ASTN1: variants seen among roughly 807,000 people sequenced by gnomAD.
ASTN1 encodes the protein astrotactin 1.
Under a neutral mutation model 140.7 loss-of-function variants are expected in ASTN1, and 41 were observed. That is an observed-to-expected ratio of 0.29 (90% CI 0.23 to 0.38). The LOEUF (loss-of-function observed/expected upper bound fraction) is 0.38, where lower values mean the gene tolerates loss of function less well. Ranked by LOEUF, ASTN1 falls within the 10% of genes least tolerant of loss-of-function variation. The probability of loss-of-function intolerance (pLI) is 1.00; values close to 1 mark genes in which losing one functional copy is unlikely to be tolerated. For missense variants in ASTN1, 1,479 were observed against 1,678.8 expected (o/e 0.88, Z 2.08); for synonymous variants, 640 against 652.2 (o/e 0.98, Z 0.29).
At chr1:177,118,370 T>C (rs2861916) in intron 1 of ASTN1, among the ~76,000 whole-genome samples, 19,619 of 152,150 alleles carry the variant, frequency 0.13, 2,321 homozygotes, top group African/African-American at 0.31. Context: ...AGAGTGTTCA[T>C]GGGATGACTG....
At chr1:176,922,248 C>T in intron 16 of ASTN1, among the ~76,000 whole-genome samples, 1 of 152,186 alleles carries the variant, frequency 6.6e-6, no homozygotes, top group East Asian at 1.9e-4. Flanking sequence ...GAGCCAGAGT[C>T]CCCCTTGTGA....
intron 1 of ASTN1, among the ~76,000 whole-genome samples, chr1:177,143,094 C>T (rs189130338): frequency 2.6e-5 from 4 of 152,224 alleles, no homozygotes; most frequent in African/African-American, 9.6e-5. Flanking sequence ...TACCTTGCTC[C>T]GGAGTTCTTA....
At chr1:176,895,416 G>A (rs1010911232) in intron 16 of ASTN1, among the ~76,000 whole-genome samples, 2 of 152,178 alleles carry the variant, frequency 1.3e-5, no homozygotes, top group Admixed American at 6.5e-5. Context: ...TATAGATGAG[G>A]AAAATGAGGC....
intron 16 of ASTN1, among the ~76,000 whole-genome samples, chr1:176,911,090 C>A (rs937437881): frequency 1.3e-5 from 2 of 152,180 alleles, no homozygotes; most frequent in East Asian, 3.8e-4. Context: ...GTACTGAATT[C>A]TGTAGGCAAT....
At chr1:177,016,826 G>C (rs574476589) in intron 7 of ASTN1, among the ~76,000 whole-genome samples, 2 of 152,350 alleles carry the variant, frequency 1.3e-5, no homozygotes, top group African/African-American at 4.8e-5. Flanking sequence ...ATGTAAGCCA[G>C]TTAATAGGTC....
intron 16 of ASTN1, among the ~76,000 whole-genome samples, chr1:176,902,773 C>A (rs1365477516): frequency 6.6e-6 from 1 of 152,160 alleles, no homozygotes; most frequent in East Asian, 1.9e-4. Context: ...ACCCCAATTG[C>A]ATCCCTTTAT....
In ASTN1 at chr1:177,066,318, G is replaced by C. The variant is rs191899983; in HGVS notation, c.284-5053C>G. Among the ~76,000 whole-genome samples the C allele has an allele frequency of 1.5e-3, 224 of 152,282 alleles. 2 individuals carry two copies. Among genetic ancestry groups the C allele is most frequent in the African/African-American group, 5.2e-3 (217 of 41,554 alleles). ...CATGGTTTCTAAGAAAGATAATTTA[G>C]AGCTTCTGCATGCAATACAGAATTG... On this transcript the variant is annotated intron_variant, in intron 1 of 22. Transcript: ENST00000361833.
chr1:177,047,551 C>T (rs559135972), intron 2 of ASTN1, among the ~76,000 whole-genome samples: 4 of 152,180 alleles, frequency 2.6e-5, no homozygotes, highest in Admixed American at 2.6e-4. Flanking sequence ...TTAGATTCAG[C>T]CTGATGGTGG....
chr1:176,987,507 C>A (rs1673959022), intron 8 of ASTN1, among the ~76,000 whole-genome samples: 1 of 152,156 alleles, frequency 6.6e-6, no homozygotes, highest in Admixed American at 6.5e-5. Flanking sequence ...TAGGTAAAAT[C>A]CAAGCTTCTC....
intron 1 of ASTN1, among the ~76,000 whole-genome samples, chr1:177,152,619 A>G (rs1429678260): frequency 1.3e-5 from 2 of 152,084 alleles, no homozygotes; most frequent in African/African-American, 4.8e-5. Context: ...AAAATTCAAC[A>G]TCTTAAATAT....
At chr1:177,080,871 T>C (rs561087754) in intron 1 of ASTN1, among the ~76,000 whole-genome samples, 2 of 152,196 alleles carry the variant, frequency 1.3e-5, no homozygotes, top group South Asian at 4.2e-4. Context: ...TTTGTTAGGG[T>C]AGATAACAGC....
At chr1:176,889,721 G>T (rs1669184838) in intron 17 of ASTN1, among the ~76,000 whole-genome samples, 1 of 152,122 alleles carries the variant, frequency 6.6e-6, no homozygotes, top group Admixed American at 6.5e-5. Flanking sequence ...AATTTACAAG[G>T]CCCTTTTTGA....
intron 1 of ASTN1, among the ~76,000 whole-genome samples, chr1:177,079,508 G>A (rs1414420711): frequency 2.6e-5 from 4 of 152,078 alleles, no homozygotes; most frequent in South Asian, 2.1e-4. Flanking sequence ...TAAGGCTCTC[G>A]TTTGAAAGAA....
At chr1:176,966,604 G>A (rs34781094) in intron 8 of ASTN1, among the ~76,000 whole-genome samples, 7,975 of 152,132 alleles carry the variant, frequency 0.052, 275 homozygotes, top group African/African-American at 0.092. Context: ...TAATTTGAGC[G>A]GAGGTTACAC....
intron 1 of ASTN1, among the ~76,000 whole-genome samples, chr1:177,132,597 T>C (rs962341185): frequency 6.6e-6 from 1 of 152,208 alleles, no homozygotes; most frequent in Non-Finnish European, 1.5e-5. Flanking sequence ...CTGTAATCTA[T>C]AATCTAGAAT....
At chr1:177,074,427 T>C (rs1161703941) in intron 1 of ASTN1, among the ~76,000 whole-genome samples, 1 of 152,198 alleles carries the variant, frequency 6.6e-6, no homozygotes, top group Non-Finnish European at 1.5e-5. Context: ...AAAAGCTTTT[T>C]AAAAATCTAA....
intron 16 of ASTN1, among the ~76,000 whole-genome samples, chr1:176,896,895 C>T (rs1380143107): frequency 6.6e-6 from 1 of 152,154 alleles, no homozygotes; most frequent in Non-Finnish European, 1.5e-5. Flanking sequence ...AGTGGTCTCT[C>T]TGAAGCTGTT....
chr1:177,047,442 G>T (rs1464202881), intron 2 of ASTN1, among the ~76,000 whole-genome samples: 1 of 152,148 alleles, frequency 6.6e-6, no homozygotes, highest in Non-Finnish European at 1.5e-5. Context: ...ATGAGGGTCA[G>T]GCATGAAAGG....
chr1:177,079,829 G>T (rs189567659), intron 1 of ASTN1, among the ~76,000 whole-genome samples: 2 of 151,940 alleles, frequency 1.3e-5, no homozygotes, highest in Non-Finnish European at 2.9e-5. Flanking sequence ...TATACAGAAC[G>T]TTCGCTCATA....
Sources: gnomAD v4.1 joint callset for allele counts (sites outside exome capture counted in the v4.1 genomes callset) on GRCh38, gnomAD v4.1.1 for gene constraint, MANE v1.5 for transcripts, NCBI Gene and HGNC (gene_info 2026-07-23, HGNC 2026-07-21) for gene names.